The following KCTD8 variants were observed in gnomAD, a reference collection of about 807,000 sequenced individuals.
KCTD8 encodes the protein BTB/POZ domain-containing protein KCTD8.
Under a neutral mutation model 31.5 loss-of-function variants are expected in KCTD8, and 27 were observed. The ratio of observed to expected loss-of-function variants is 0.86; its 90% CI spans 0.63 to 1.18. The LOEUF (loss-of-function observed/expected upper bound fraction) is 1.18, where lower values mean the gene tolerates loss of function less well. Among genes scored for constraint, KCTD8 ranks in the 50% most tolerant of loss-of-function variants. The pLI, the probability that KCTD8 is intolerant of heterozygous loss-of-function variation, is 0.00. For synonymous variants in KCTD8, 290 were observed against 280.0 expected, an observed-to-expected ratio of 1.04 and a Z score of -0.36; for missense variants, 658 against 647.7, an observed-to-expected ratio of 1.02 and a Z score of -0.17.
chr4:44,419,394 T>C (rs1560450350), intron 1 of KCTD8, among the ~76,000 whole-genome samples: 1 of 151,978 alleles, frequency 6.6e-6, no homozygotes, highest in Middle Eastern at 3.4e-3. Context: ...ATGGCAGGGG[T>C]TTTTCCCTTC....
Position 44,223,120 on chromosome 4 carries a change from A to G in KCTD8, c.962-47870T>C, listed in dbSNP as rs1439893249. Among the ~76,000 whole-genome samples, 4 of 152,294 alleles carry G rather than the reference A, an allele frequency of 2.6e-5. No individual in the cohort carries two copies. In the East Asian group the frequency reaches 5.8e-4, roughly 22 times the overall value. Reference sequence around the variant, plus strand: ...AATGATAGTAGAGTGAAATAGATGGATTTTTAAAAATATAATTTGAAGGTA... The same window carrying G: ...AATGATAGTAGAGTGAAATAGATGGGTTTTTAAAAATATAATTTGAAGGTA... On this transcript the variant is annotated intron_variant, in intron 1 of 1. Coordinates refer to ENST00000360029, the MANE Select transcript of KCTD8 (RefSeq NM_198353.3).
chr4:44,339,931 TTCAAG>T (rs760126779), intron 1 of KCTD8, among the ~76,000 whole-genome samples: 1 of 152,160 alleles, frequency 6.6e-6, no homozygotes, highest in African/African-American at 2.4e-5. Flanking sequence ...AGTCAATATA[TTCAAG>T]TCAACAGACA....
At chr4:44,411,809 T>C (rs1720965238) in intron 1 of KCTD8, among the ~76,000 whole-genome samples, 2 of 151,976 alleles carry the variant, frequency 1.3e-5, no homozygotes, top group South Asian at 4.1e-4. Flanking sequence ...AGCCAAGGAA[T>C]GCCAAGGATT....
intron 1 of KCTD8, among the ~76,000 whole-genome samples, chr4:44,411,501 C>A (rs1349518108): frequency 1.3e-5 from 2 of 151,126 alleles, no homozygotes; most frequent in Non-Finnish European, 2.9e-5. Context: ...CCAAAAATCA[C>A]AATTTATAAA....
chr4:44,256,436 T>C (rs1715997126), intron 1 of KCTD8, among the ~76,000 whole-genome samples: 2 of 151,948 alleles, frequency 1.3e-5, no homozygotes, highest in African/African-American at 2.4e-5. Flanking sequence ...GTGACTTGAA[T>C]AGATACTTCG....
intron 1 of KCTD8, among the ~76,000 whole-genome samples, chr4:44,403,684 G>C (rs576501371): frequency 6.6e-6 from 1 of 151,926 alleles, no homozygotes; most frequent in East Asian, 1.9e-4. Flanking sequence ...CCACTCTAAA[G>C]GACTCATTTT....
intron 1 of KCTD8, among the ~76,000 whole-genome samples, chr4:44,182,596 C>G (rs531836993): frequency 1.7e-3 from 260 of 152,092 alleles, no homozygotes; most frequent in African/African-American, 5.8e-3. Context: ...GCAGCATGCT[C>G]GTTAAGAGTC....
chr4:44,388,398 T>G (rs547983205), intron 1 of KCTD8, among the ~76,000 whole-genome samples: 2 of 151,944 alleles, frequency 1.3e-5, no homozygotes. Flanking sequence ...TAAAGACACA[T>G]GCACACGTAT....
intron 1 of KCTD8, among the ~76,000 whole-genome samples, chr4:44,307,189 A>G (rs1325354225): frequency 6.6e-6 from 1 of 152,038 alleles, no homozygotes; most frequent in Non-Finnish European, 1.5e-5. Context: ...GAATGTCACA[A>G]CAAACTGAGT....
chr4:44,255,252 T>A (rs1192116050), intron 1 of KCTD8, among the ~76,000 whole-genome samples: 1 of 151,908 alleles, frequency 6.6e-6, no homozygotes, highest in Non-Finnish European at 1.5e-5. Context: ...TCAGTTCTTC[T>A]GTGGTTGCTA....
At chr4:44,400,425 T>G (rs572831943) in intron 1 of KCTD8, among the ~76,000 whole-genome samples, 1 of 149,584 alleles carries the variant, frequency 6.7e-6, no homozygotes, top group African/African-American at 2.5e-5. Context: ...AAAAAAAAAA[T>G]AAAGATAAAT....
intron 1 of KCTD8, among the ~76,000 whole-genome samples, chr4:44,379,942 G>T (rs4407541): frequency 0.73 from 111,064 of 151,796 alleles, 40,808 homozygotes; most frequent in South Asian, 0.85. Context: ...TCTTTTTTAA[G>T]TAAATAAAAA....
chr4:44,385,238 G>C (rs138016190), intron 1 of KCTD8, among the ~76,000 whole-genome samples: 399 of 151,608 alleles, frequency 2.6e-3, no homozygotes, highest in Middle Eastern at 0.017. Flanking sequence ...AATTCAGATG[G>C]AATCTCATGG....
chr4:44,216,832 T>C (rs529922110), intron 1 of KCTD8, among the ~76,000 whole-genome samples: 22 of 152,158 alleles, frequency 1.4e-4, no homozygotes, highest in Non-Finnish European at 2.4e-4. Flanking sequence ...CATTCATGAG[T>C]GCGCATGAGA....
intron 1 of KCTD8, among the ~76,000 whole-genome samples, chr4:44,209,197 T>A (rs16856798): frequency 0.032 from 4,835 of 152,110 alleles, 256 homozygotes; most frequent in African/African-American, 0.11. Context: ...ACAGCAGGGA[T>A]CCCTTTAGAA....
chr4:44,233,836 C>T (rs941635301), intron 1 of KCTD8, among the ~76,000 whole-genome samples: 1 of 151,882 alleles, frequency 6.6e-6, no homozygotes, highest in Non-Finnish European at 1.5e-5. Flanking sequence ...TTGACATAAA[C>T]GATGTAGACT....
chr4:44,195,743 C>T (rs1338256031), intron 1 of KCTD8, among the ~76,000 whole-genome samples: 1 of 152,008 alleles, frequency 6.6e-6, no homozygotes, highest in African/African-American at 2.4e-5. Flanking sequence ...AAGTTACTAA[C>T]ACTCTAGAAC....
chr4:44,329,095 G>T (rs1351793288), intron 1 of KCTD8, among the ~76,000 whole-genome samples: 1 of 151,502 alleles, frequency 6.6e-6, no homozygotes, highest in Non-Finnish European at 1.5e-5. Context: ...TTACATCAAA[G>T]AAGTAAATAT....
chr4:44,195,242 T>C (rs1713903951), intron 1 of KCTD8, among the ~76,000 whole-genome samples: 1 of 152,010 alleles, frequency 6.6e-6, no homozygotes, highest in Non-Finnish European at 1.5e-5. Flanking sequence ...GAACTATAAT[T>C]ATCCAATTAT....
Sources: allele counts gnomAD v4.1 joint callset (sites outside exome capture counted in the v4.1 genomes callset), GRCh38; gene constraint gnomAD v4.1.1; transcripts MANE v1.5; gene names NCBI Gene and HGNC (gene_info 2026-07-23, HGNC 2026-07-21).